KCNH8: variants seen among roughly 807,000 people sequenced by gnomAD.
KCNH8 encodes potassium voltage-gated channel subfamily H member 8.
In KCNH8, 70 loss-of-function variants were observed where a neutral mutation model predicts 103.6. The ratio of observed to expected loss-of-function variants is 0.68; its 90% CI spans 0.56 to 0.82. The LOEUF is 0.82. Ranked by LOEUF, KCNH8 falls within the 40% of genes least tolerant of loss-of-function variation. KCNH8 has a pLI of 0.00. For synonymous variants in KCNH8, 498 were observed against 489.4 expected, an observed-to-expected ratio of 1.02 and a Z score of -0.23; for missense variants, 1,217 against 1,329.9, an observed-to-expected ratio of 0.92 and a Z score of 1.32.
intron 7 of KCNH8, among the ~76,000 whole-genome samples, chr3:19,413,710 T>G (rs1406895429): frequency 6.6e-6 from 1 of 151,996 alleles, no homozygotes; most frequent in African/African-American, 2.4e-5. Flanking sequence ...CTCTAGCACT[T>G]GGGGGAAATA....
intron 11 of KCNH8, among the ~76,000 whole-genome samples, chr3:19,491,011 GA>G (rs2068308409): frequency 2.0e-5 from 3 of 152,198 alleles, no homozygotes; most frequent in Admixed American, 2.0e-4. Context: ...ACTCTGGGCA[GA>G]ATCTGGATTG....
chr3:19,233,719 G>C (rs1307863063), intron 1 of KCNH8, among the ~76,000 whole-genome samples: 1 of 152,126 alleles, frequency 6.6e-6, no homozygotes, highest in Admixed American at 6.5e-5. Flanking sequence ...AGATGTACAC[G>C]CTAGGTAATT....
chr3:19,487,443 G>C (rs546349073), intron 11 of KCNH8, among the ~76,000 whole-genome samples: 3 of 152,140 alleles, frequency 2.0e-5, no homozygotes, highest in African/African-American at 7.2e-5. Context: ...TATGGAGACT[G>C]GCAAGGAACT....
chr3:19,390,345 T>G, intron 5 of KCNH8, 136 bp from the exon 6 acceptor site: 4 of 656,264 alleles, frequency 6.1e-6, no homozygotes, highest in Non-Finnish European at 5.2e-6. Context: ...TTTTCTACGA[T>G]TTTCTTCCTC....
chr3:19,366,968 T>G (rs1456610602), intron 5 of KCNH8, among the ~76,000 whole-genome samples: 1 of 152,078 alleles, frequency 6.6e-6, no homozygotes, highest in African/African-American at 2.4e-5. Context: ...AGGACCAAAA[T>G]GATGTCACCC....
At chr3:19,414,295 T>C (rs1280981047) in intron 7 of KCNH8, among the ~76,000 whole-genome samples, 1 of 151,976 alleles carries the variant, frequency 6.6e-6, no homozygotes, top group Non-Finnish European at 1.5e-5. Context: ...TATTTACTGA[T>C]AAGTAGGAAA....
chr3:19,186,545 G>C (rs1165283754), intron 1 of KCNH8, among the ~76,000 whole-genome samples: 1 of 151,940 alleles, frequency 6.6e-6, no homozygotes, highest in African/African-American at 2.4e-5. Context: ...TGATGTAAGA[G>C]GTGGAGGCAG....
At chr3:19,479,719 CTTA>C (rs747014242) in intron 11 of KCNH8, among the ~76,000 whole-genome samples, 1 of 152,132 alleles carries the variant, frequency 6.6e-6, no homozygotes, top group Non-Finnish European at 1.5e-5. Flanking sequence ...TTATATGATA[CTTA>C]TTATGATTTT....
At chr3:19,243,977 A>G (rs1308726432) in intron 1 of KCNH8, among the ~76,000 whole-genome samples, 4 of 152,298 alleles carry the variant, frequency 2.6e-5, no homozygotes, top group African/African-American at 9.6e-5. Flanking sequence ...CAGTAGGCCA[A>G]ATAAGATGTC....
At chr3:19,170,503 A>ACTC (rs2063329895) in intron 1 of KCNH8, among the ~76,000 whole-genome samples, 1 of 148,630 alleles carries the variant, frequency 6.7e-6, no homozygotes, top group African/African-American at 2.5e-5. Context: ...ACTGATCATG[A>ACTC]CTCCTCCTTA....
intron 1 of KCNH8, among the ~76,000 whole-genome samples, chr3:19,230,362 T>C (rs917178156): frequency 1.3e-5 from 2 of 152,194 alleles, no homozygotes; most frequent in African/African-American, 4.8e-5. Context: ...TTCCAACCAC[T>C]CACTTTTTGG....
At position 19,168,153 on chromosome 3, in the gene KCNH8, G is replaced by T. The variant is rs372340242; in HGVS notation, c.76+19358G>T. ...AGCCTCCGAGTAGCTGGGATTACAG[G>T]TGCCTGCCGCCATGCCCAGCTAACT... On this transcript the variant is annotated intron_variant, in intron 1 of 15. Transcript: ENST00000328405. Among the ~76,000 whole-genome samples the T allele has an allele frequency of 3.9e-5, 6 of 152,032 alleles. No individual in the cohort carries two copies. In the East Asian group the frequency reaches 1.2e-3, roughly 29 times the overall value.
chr3:19,155,626 G>A (rs920926193), intron 1 of KCNH8, among the ~76,000 whole-genome samples: 3 of 152,096 alleles, frequency 2.0e-5, no homozygotes, highest in African/African-American at 7.2e-5. Flanking sequence ...TGTCTCCCAG[G>A]CTACACACAT....
At chr3:19,440,851 G>A (rs2067272831) in intron 8 of KCNH8, among the ~76,000 whole-genome samples, 1 of 152,122 alleles carries the variant, frequency 6.6e-6, no homozygotes, top group Admixed American at 6.5e-5. Context: ...CTTTGGGGTT[G>A]GCACTATTAT....
At chr3:19,157,875 A>G (rs2063196412) in intron 1 of KCNH8, among the ~76,000 whole-genome samples, 1 of 151,784 alleles carries the variant, frequency 6.6e-6, no homozygotes, top group African/African-American at 2.4e-5. Flanking sequence ...TATTAGTAAC[A>G]CGAATTGTAT....
At chr3:19,433,292 A>G (rs2067150035) in intron 7 of KCNH8, among the ~76,000 whole-genome samples, 1 of 152,170 alleles carries the variant, frequency 6.6e-6, no homozygotes, top group Non-Finnish European at 1.5e-5. Context: ...CACAAGTGAT[A>G]CATACATGAG....
intron 3 of KCNH8, 140 bp downstream of exon 3, chr3:19,281,469 G>T: frequency 1.5e-6 from 1 of 688,104 alleles, no homozygotes. Context: ...AGCATTTGGT[G>T]CATATTCCAA....
rs202127908 is a variant in KCNH8, at chr3:19,450,144, A to G, written c.1414A>G (p.Ile472Val). Reference protein sequence around the residue: ...HALVFGNVTAIIQRMYSRWSL... With the variant: ...HALVFGNVTAVIQRMYSRWSL... Reference sequence around the variant, plus strand: ...CTTGGTGTTTGGAAACGTGACAGCAATCATACAGAGGATGTACTCCAGATG... The same window carrying G: ...CTTGGTGTTTGGAAACGTGACAGCAGTCATACAGAGGATGTACTCCAGATG... Residue 472 changes from isoleucine (I) to valine (V), a missense_variant, in exon 9 of 16, where the codon ATC (isoleucine) becomes GTC (valine). Physicochemically the swap from Ile to Val is conservative, Grantham distance 29. Transcript: ENST00000328405. 1.6e-4 allele frequency: 264 copies of G among 1,613,580 alleles called. 1 individual carries two copies. Among genetic ancestry groups the G allele is most frequent in the Admixed American group, 3.3e-4 (20 of 59,914 alleles).
intron 2 of KCNH8, among the ~76,000 whole-genome samples, chr3:19,270,040 A>G (rs1263077969): frequency 2.6e-5 from 4 of 152,126 alleles, no homozygotes; most frequent in Admixed American, 2.0e-4. Flanking sequence ...AAATCTCCAA[A>G]GAATCAAGAA....
Sources: gnomAD v4.1 joint callset for allele counts (sites outside exome capture counted in the v4.1 genomes callset) on GRCh38, gnomAD v4.1.1 for gene constraint, MANE v1.5 for transcripts, NCBI Gene and HGNC (gene_info 2026-07-23, HGNC 2026-07-21) for gene names.